LIPA: variants seen among roughly 807,000 people sequenced by gnomAD.
LIPA encodes the protein lysosomal acid lipase/cholesteryl ester hydrolase.
In LIPA, 26 loss-of-function variants were observed where a neutral mutation model predicts 40.6. The ratio of observed to expected loss-of-function variants is 0.64; its 90% CI spans 0.47 to 0.89. The LOEUF is 0.89. LIPA is among the 40% of genes least tolerant of loss of function. The pLI is 0.00. For synonymous variants in LIPA, 188 were observed against 168.4 expected (o/e 1.12, Z -0.90); for missense variants, 455 against 479.6 (o/e 0.95, Z 0.48).
chr10:89,403,009 C>G, intron 2 of LIPA: 1 of 1,614,196 alleles, frequency 6.2e-7, no homozygotes, highest in Non-Finnish European at 8.5e-7. Context: ...GAAGCTCTAG[C>G]CAACATGTCC....
chr10:89,258,452 A>G (rs1576816), intron 1 of LIPA, among the ~76,000 whole-genome samples: 100,933 of 152,004 alleles, frequency 0.66, 34,221 homozygotes, highest in East Asian at 0.93. Flanking sequence ...TCAAAGTAAA[A>G]TAACTTTTTT....
rs530324607 is a variant in LIPA at position 89,310,938 on chromosome 10, A to G, written c.-2+31673T>C. Among the ~76,000 whole-genome samples the G allele has an allele frequency of 1.6e-4, 24 of 152,342 alleles. 1 individual carries two copies. Among genetic ancestry groups the G allele is most frequent in the African/African-American group, 5.8e-4 (24 of 41,582 alleles). On this transcript the variant is annotated intron_variant, in intron 1 of 5. Coordinates refer to the LIPA transcript ENST00000282673. Reference sequence around the variant, plus strand: ...GTGTTATTTCTGAGTAAAATGTAAAAATATATAGTAAATTCTGCCCTGAAC... The same window carrying G: ...GTGTTATTTCTGAGTAAAATGTAAAGATATATAGTAAATTCTGCCCTGAAC...
chr10:89,389,681 TATC>T (rs1313512004), intron 2 of LIPA, among the ~76,000 whole-genome samples: 21 of 152,332 alleles, frequency 1.4e-4, no homozygotes, highest in African/African-American at 5.1e-4. Flanking sequence ...TTGTCCATAT[TATC>T]ATATTATAAT....
intron 1 of LIPA, among the ~76,000 whole-genome samples, chr10:89,301,301 T>C (rs1843443939): frequency 6.6e-6 from 1 of 152,176 alleles, no homozygotes; most frequent in South Asian, 2.1e-4. Flanking sequence ...AATGTGCAGG[T>C]TGTTTTGCAG....
At chr10:89,238,055 A>G (rs1842926779) in intron 3 of LIPA, among the ~76,000 whole-genome samples, 1 of 152,268 alleles carries the variant, frequency 6.6e-6, no homozygotes, top group Admixed American at 6.5e-5. Context: ...CAAGCCTGAA[A>G]CAATAAATTC....
At chr10:89,215,652 A>G (rs1025710440) in intron 9 of LIPA, among the ~76,000 whole-genome samples, 2 of 152,260 alleles carry the variant, frequency 1.3e-5, no homozygotes, top group Non-Finnish European at 2.9e-5. Context: ...GATAACAGAC[A>G]TAGGACTGTC....
intron 1 of LIPA, among the ~76,000 whole-genome samples, chr10:89,327,676 C>T (rs984581387): frequency 6.6e-6 from 1 of 152,162 alleles, no homozygotes; most frequent in African/African-American, 2.4e-5. Context: ...TTTGGAATGC[C>T]CTTGGCCAAA....
chr10:89,234,738 A>C (rs1842883804), intron 3 of LIPA, among the ~76,000 whole-genome samples: 1 of 152,284 alleles, frequency 6.6e-6, no homozygotes, highest in South Asian at 2.1e-4. Context: ...GGAAGGTAAA[A>C]CCTATTGCTG....
chr10:89,218,232 T>C (rs1484801222), intron 8 of LIPA, among the ~76,000 whole-genome samples: 1 of 152,224 alleles, frequency 6.6e-6, no homozygotes, highest in Non-Finnish European at 1.5e-5. Context: ...CTTAAAGCTA[T>C]GCCTACCCTC....
upstream of LIPA, among the ~76,000 whole-genome samples, chr10:89,255,659 C>T (rs77723564): frequency 0.092 from 13,953 of 152,114 alleles, 620 homozygotes; most frequent in East Asian, 0.14. Flanking sequence ...GGATTGAATA[C>T]AGGTATGAGA....
chr10:89,259,926 G>A (rs879762923), intron 1 of LIPA, among the ~76,000 whole-genome samples: 65 of 152,240 alleles, frequency 4.3e-4, no homozygotes, highest in Non-Finnish European at 6.9e-4. Context: ...GAGGCATGGG[G>A]AAACTTGGAG....
rs535030230 is a variant in LIPA at position 89,230,119 on chromosome 10, C to A, written c.230-1721G>T. Among the ~76,000 whole-genome samples the A allele has an allele frequency of 4.6e-5, 7 of 152,248 alleles. No individual in the cohort carries two copies. In the South Asian group the frequency reaches 1.2e-3, roughly 27 times the overall value. On this transcript the variant is annotated intron_variant, in intron 3 of 9. Transcript: ENST00000336233. ...AACAAAGATGTGGGAGCCAAAGAAA[C>A]CTGACCTCAAGCTGCTTACCTAACG...
chr10:89,263,597 A>G (rs532672204), intron 1 of LIPA, among the ~76,000 whole-genome samples: 2 of 152,350 alleles, frequency 1.3e-5, no homozygotes, highest in South Asian at 4.1e-4. Flanking sequence ...AGAAGCATAG[A>G]TTTAGTTCAA....
At chr10:89,376,361 A>G (rs890458620) in intron 2 of LIPA, among the ~76,000 whole-genome samples, 1 of 151,942 alleles carries the variant, frequency 6.6e-6, no homozygotes, top group African/African-American at 2.4e-5. Context: ...TATATACTAT[A>G]CTCTTTCTTA....
At chr10:89,328,058 G>C in intron 1 of LIPA, 1 of 1,614,000 alleles carries the variant, frequency 6.2e-7, no homozygotes, top group East Asian at 2.2e-5. Context: ...GAACAGCAGA[G>C]ACACAGAGGG....
At chr10:89,380,763 T>A (rs1844157083) in intron 2 of LIPA, among the ~76,000 whole-genome samples, 1 of 152,198 alleles carries the variant, frequency 6.6e-6, no homozygotes, top group Non-Finnish European at 1.5e-5. Context: ...ATACTACTAA[T>A]AACAGCACTT....
At chr10:89,402,461 A>G in intron 2 of LIPA, 17 of 1,614,220 alleles carry the variant, frequency 1.1e-5, no homozygotes, top group Non-Finnish European at 1.4e-5. Flanking sequence ...CCTATGTGAA[A>G]CACCTGAAAG....
At position 89,215,964 on chromosome 10, in the gene LIPA, C is replaced by T. The variant is rs766842043; in HGVS notation, c.940G>A (p.Ala314Thr). 7.4e-6 allele frequency: 12 copies of T among 1,611,750 alleles called. No individual in the cohort carries two copies. The Admixed American group carries it at 1.7e-4, about 22-fold the overall frequency. The change falls in exon 9 of 10, where the codon GCC becomes ACC. Residue 314 changes from alanine (A) to threonine (T), a missense_variant. Physicochemically the swap from Ala to Thr is moderately conservative, Grantham distance 58 (BLOSUM62 0). Transcript: ENST00000336233. ...TGGTTGTAATGAAAATAATTCTTGG[C>T]ACTGCTTCCCCAGTCAAAGGCTTGA... ...KFQAFDWGSS[A>T]KNYFHYNQSY...
At chr10:89,257,139 G>A (rs1843185570) in intron 1 of LIPA, among the ~76,000 whole-genome samples, 1 of 152,224 alleles carries the variant, frequency 6.6e-6, no homozygotes, top group Non-Finnish European at 1.5e-5. Flanking sequence ...AGGACTGACA[G>A]TTGCTGAATA....
Sources: allele counts gnomAD v4.1 joint callset (sites outside exome capture counted in the v4.1 genomes callset), GRCh38; gene constraint gnomAD v4.1.1; transcripts MANE v1.5; gene names NCBI Gene and HGNC (gene_info 2026-07-23, HGNC 2026-07-21).